Variants in ZYG11B observed in about 807,000 individuals in gnomAD.
ZYG11B encodes zyg-11 family member B, cell cycle regulator, also known as protein zyg-11 homolog B.
ZYG11B carries 36 observed loss-of-function variants against 82.4 expected under a neutral mutation model. The ratio of observed to expected loss-of-function variants is 0.44; its 90% CI spans 0.33 to 0.58. The LOEUF (loss-of-function observed/expected upper bound fraction) is 0.58. Ranked by LOEUF, ZYG11B falls within the 20% of genes least tolerant of loss-of-function variation. ZYG11B has a pLI of 0.02. For missense variants in ZYG11B, 552 were observed against 895.6 expected (o/e 0.62, Z 4.90); for synonymous variants, 303 against 312.8 (o/e 0.97, Z 0.33).
chr1:52,779,824 T>C (rs769308307), intron 3 of ZYG11B, 29 bp from the exon 4 acceptor site: 2 of 1,610,164 alleles, frequency 1.2e-6, no homozygotes, highest in South Asian at 2.2e-5. Flanking sequence ...GAGAGAGAAT[T>C]CTAAAAGCTA....
At chr1:52,799,283 C>T (rs550152932) in intron 8 of ZYG11B, among the ~76,000 whole-genome samples, 2 of 151,798 alleles carry the variant, frequency 1.3e-5, no homozygotes, top group South Asian at 2.1e-4. Flanking sequence ...GTCAGGAGAT[C>T]GAGACCATCC....
At chr1:52,755,904 A>G (rs1182377245) in intron 1 of ZYG11B, among the ~76,000 whole-genome samples, 1 of 150,866 alleles carries the variant, frequency 6.6e-6, no homozygotes, top group East Asian at 2.0e-4. Context: ...GATTCAAGTG[A>G]TTCTCCTGCC....
intron 1 of ZYG11B, among the ~76,000 whole-genome samples, chr1:52,742,701 G>T (rs1644440999): frequency 6.6e-6 from 1 of 151,802 alleles, no homozygotes; most frequent in African/African-American, 2.4e-5. Flanking sequence ...AATTAGCCGG[G>T]CGTGGTTGCA....
At chr1:52,776,229 A>AAAAAAAAAAAATAT in intron 3 of ZYG11B, among the ~76,000 whole-genome samples, 5 of 23,542 alleles carry the variant, frequency 2.1e-4, no homozygotes, top group East Asian at 2.0e-3. Context: ...TAAAAAAAAA[A>AAAAAAAAAAAATAT]ATATATATAT....
At chr1:52,738,320 A>G (rs1644395295) in intron 1 of ZYG11B, among the ~76,000 whole-genome samples, 2 of 152,076 alleles carry the variant, frequency 1.3e-5, no homozygotes, top group African/African-American at 4.8e-5. Flanking sequence ...CTGGGACTAC[A>G]GGTGTTTGAC....
At chr1:52,759,942 T>A (rs745337496) in intron 2 of ZYG11B, among the ~76,000 whole-genome samples, 1 of 152,170 alleles carries the variant, frequency 6.6e-6, no homozygotes, top group Non-Finnish European at 1.5e-5. Context: ...GCAATTCTTG[T>A]GCCTCAGCCT....
At chr1:52,802,499 C>T (rs898708054) in intron 10 of ZYG11B, among the ~76,000 whole-genome samples, 1 of 151,666 alleles carries the variant, frequency 6.6e-6, no homozygotes, top group African/African-American at 2.4e-5. Flanking sequence ...TATAGGTGTG[C>T]ACCACAATGC....
Position 52,801,956 on chromosome 1 carries a change from A to G in ZYG11B, c.1623A>G (p.Leu541=), listed in dbSNP as rs1571791590. The change falls in exon 9 of 14, where the codon TTA becomes TTG. Residue 541 remains leucine (L), a synonymous_variant. Coordinates refer to ENST00000294353, the MANE Select transcript of ZYG11B (RefSeq NM_024646.3). ...GACACTTTATTGAAAACCAAGGGTTAGAACTCTTCATGAGGGTTCTAGAGG... is the reference window on the plus strand; with the variant it reads ...GACACTTTATTGAAAACCAAGGGTTGGAACTCTTCATGAGGGTTCTAGAGG... ...TCRHFIENQG[L]ELFMRVLESF... is the part of the protein sequence containing the mutation. 1.2e-6 allele frequency: 2 copies of G among 1,609,920 alleles called. No homozygotes were observed. The highest frequency in any genetic ancestry group is 4.5e-5 in the East Asian group (2 of 44,804).
Position 52,823,922 on chromosome 1 carries a change from G to A in ZYG11B, c.*2293G>A, listed in dbSNP as rs1390021172. ...GAGGCGGGCAGATCACTTGAGATCA[G>A]GAGTTCGAGACCACCCTGGCCAACG... On this transcript the variant is annotated 3_prime_UTR_variant, in exon 14 of 14. Transcript: ENST00000294353. 1 of 152,012 alleles carries A rather than the reference G, an allele frequency of 6.6e-6. No homozygotes were observed. The highest frequency in any genetic ancestry group is 1.5e-5 in the Non-Finnish European group (1 of 68,002). 9.4% of individuals were successfully genotyped at this position (152,012 alleles called of 1,614,324 possible). A position where few individuals can be genotyped will look rare whatever the true frequency, so the allele number is the denominator to read the frequency against.
intron 7 of ZYG11B, 45 bp from the exon 8 acceptor site, chr1:52,796,689 T>G (rs761406972): frequency 2.6e-5 from 38 of 1,480,412 alleles, no homozygotes; most frequent in Non-Finnish European, 3.4e-5. Flanking sequence ...TAAACTCACA[T>G]TAATGAGTTC....
At position 52,797,483 on chromosome 1, in the gene ZYG11B, A is replaced by G. The variant is rs1048900919; in HGVS notation, c.1485+699A>G. ...ATGATATATATATTATATATGATATATAATATGTATAATATATAAAAATAT... is the reference window on the plus strand; with the variant it reads ...ATGATATATATATTATATATGATATGTAATATGTATAATATATAAAAATAT... On this transcript the variant is annotated intron_variant, in intron 8 of 13. Coordinates refer to ENST00000294353, the MANE Select transcript of ZYG11B (RefSeq NM_024646.3). 1.4e-4 allele frequency among the ~76,000 whole-genome samples: 13 copies of G among 93,866 alleles called. No homozygotes were observed. The South Asian group carries it at 3.6e-3, about 26-fold the overall frequency. The allele number at this position is 93,866 out of a possible 152,430, so 61.6% of individuals were successfully genotyped here.
At chr1:52,766,969 C>T (rs1644695361) in intron 2 of ZYG11B, among the ~76,000 whole-genome samples, 1 of 150,402 alleles carries the variant, frequency 6.6e-6, no homozygotes, top group Admixed American at 6.6e-5. Flanking sequence ...GATCGCGCCA[C>T]TGCACTCCAG....
rs568798392 is a variant in ZYG11B, at chr1:52,732,898, C to CG, written c.30+6221dup. ...CTGAGGCAGGAGAATCACTTGAACC[C>CG]GGGGGGCGCGGAGGTTGCAGTAAGC... On this transcript the variant is annotated intron_variant, in intron 1 of 13. Transcript: ENST00000294353. 1.5e-3 allele frequency among the ~76,000 whole-genome samples: 221 copies of CG among 151,922 alleles called. 1 individual carries two copies. Among genetic ancestry groups the CG allele is most frequent in the Non-Finnish European group, 2.4e-3 (161 of 67,948 alleles).
At chr1:52,778,733 G>GT (rs1398145481) in intron 3 of ZYG11B, among the ~76,000 whole-genome samples, 1 of 152,038 alleles carries the variant, frequency 6.6e-6, no homozygotes, top group Non-Finnish European at 1.5e-5. Flanking sequence ...CCTACGTTTG[G>GT]TTGCCGAATG....
intron 10 of ZYG11B, among the ~76,000 whole-genome samples, chr1:52,803,107 T>TATATACAC (rs1645095134): frequency 4.4e-5 from 4 of 89,946 alleles, no homozygotes; most frequent in African/African-American, 3.1e-4. Flanking sequence ...TACATATATA[T>TATATACAC]ATATATATAT....
chr1:52,803,798 T>C (rs531166123), intron 10 of ZYG11B, among the ~76,000 whole-genome samples: 6 of 152,252 alleles, frequency 3.9e-5, no homozygotes, highest in African/African-American at 1.4e-4. Context: ...AGATTTGCAG[T>C]CTCACCATGT....
chr1:52,759,922 C>T lies in ZYG11B; in HGVS notation c.196+3299C>T, dbSNP rs535971207. ...CTCGGCTCACTACAACCTCTGCTTCCCAGGTTTAAGCAATTCTTGTGCCTC... is the reference window on the plus strand; with the variant it reads ...CTCGGCTCACTACAACCTCTGCTTCTCAGGTTTAAGCAATTCTTGTGCCTC... On this transcript the variant is annotated intron_variant, in intron 2 of 13. Coordinates refer to ENST00000294353, the MANE Select transcript of ZYG11B (RefSeq NM_024646.3). Among the ~76,000 whole-genome samples, 124 of 152,232 alleles carry T rather than the reference C, an allele frequency of 8.1e-4. 1 individual carries two copies. Among genetic ancestry groups the T allele is most frequent in the South Asian group, 1.2e-3 (6 of 4,830 alleles).
At chr1:52,797,340 TA>T (rs1478912543) in intron 8 of ZYG11B, among the ~76,000 whole-genome samples, 34 of 67,306 alleles carry the variant, frequency 5.1e-4, no homozygotes, top group Non-Finnish European at 6.1e-4. Flanking sequence ...TATATATTTA[TA>T]ATTATATATT....
At chr1:52,780,298 A>G (rs964278876) in intron 4 of ZYG11B, among the ~76,000 whole-genome samples, 1 of 152,160 alleles carries the variant, frequency 6.6e-6, no homozygotes, top group African/African-American at 2.4e-5. Context: ...ATATGACTGG[A>G]ATCAGGACAC....
Sources: allele counts gnomAD v4.1 joint callset (sites outside exome capture counted in the v4.1 genomes callset), GRCh38; gene constraint gnomAD v4.1.1; transcripts MANE v1.5; gene names NCBI Gene and HGNC (gene_info 2026-07-23, HGNC 2026-07-21).